PLD5: variants seen among roughly 807,000 people sequenced by gnomAD.
PLD5 encodes inactive phospholipase D5.
Under a neutral mutation model 61.1 loss-of-function variants are expected in PLD5, and 36 were observed. The observed-to-expected ratio is 0.59, with a 90% CI of 0.45 to 0.78. PLD5 has a LOEUF of 0.78. PLD5 is among the 30% of genes least tolerant of loss of function. The probability of loss-of-function intolerance (pLI) is 0.00; values close to 1 mark genes in which losing one functional copy is unlikely to be tolerated. For synonymous variants in PLD5, 243 were observed against 242.8 expected, an observed-to-expected ratio of 1.00 and a Z score of -0.01; for missense variants, 515 against 644.4, an observed-to-expected ratio of 0.80 and a Z score of 2.17.
At chr1:242,522,868 A>T (rs1297632846) in intron 1 of PLD5, among the ~76,000 whole-genome samples, 1 of 152,200 alleles carries the variant, frequency 6.6e-6, no homozygotes, top group East Asian at 1.9e-4. Flanking sequence ...CACATAAAAT[A>T]GTGCTGTTAT....
intron 4 of PLD5, among the ~76,000 whole-genome samples, chr1:242,248,011 G>A (rs1465020269): frequency 1.3e-5 from 2 of 152,118 alleles, no homozygotes; most frequent in African/African-American, 4.8e-5. Context: ...ACCGTGACTC[G>A]TAGCACCTCT....
At chr1:242,395,903 C>G (rs1321497191) in intron 1 of PLD5, among the ~76,000 whole-genome samples, 1 of 152,094 alleles carries the variant, frequency 6.6e-6, no homozygotes, top group Non-Finnish European at 1.5e-5. Context: ...CAAAAATGAG[C>G]CAAGCATGAT....
intron 1 of PLD5, 28 bp downstream of exon 1, chr1:242,524,060 G>C: frequency 1.3e-6 from 2 of 1,525,074 alleles, no homozygotes; most frequent in South Asian, 1.2e-5. Flanking sequence ...GTGCCTGGCC[G>C]AGGCCCCCGG....
In PLD5 at chr1:242,492,309, C is replaced by T. The variant is rs145273631; in HGVS notation, c.189+31779G>A. ...CGTGGATCACCTGAGGTCAGGAGTT[C>T]GAGACCTGCCTGGCCAACATAGTGA... On this transcript the variant is annotated intron_variant, in intron 1 of 9. Transcript: ENST00000536534. Among the ~76,000 whole-genome samples, 736 of 151,868 alleles carry T rather than the reference C, an allele frequency of 4.8e-3. 4 individuals are homozygous for T. Among genetic ancestry groups the T allele is most frequent in the African/African-American group, 0.017 (705 of 41,418 alleles).
At chr1:242,326,618 T>C (rs1230111894) in intron 2 of PLD5, among the ~76,000 whole-genome samples, 5 of 152,170 alleles carry the variant, frequency 3.3e-5, no homozygotes, top group Non-Finnish European at 7.3e-5. Context: ...CTTGAAACTT[T>C]GCACTGCTGA....
intron 4 of PLD5, among the ~76,000 whole-genome samples, chr1:242,251,553 C>T (rs1672701158): frequency 6.6e-6 from 1 of 152,056 alleles, no homozygotes; most frequent in Non-Finnish European, 1.5e-5. Context: ...GGAGTCAGGG[C>T]AGAGCCGGGC....
chr1:242,394,969 T>TTATATATGAATATATATG (rs1663417877), intron 1 of PLD5, among the ~76,000 whole-genome samples: 1 of 60,446 alleles, frequency 1.7e-5, no homozygotes, highest in Non-Finnish European at 3.1e-5. Context: ...ATATATATGA[T>TTATATATGAATATATATG]TATATATGAA....
chr1:242,142,122 C>G (rs1209237287), intron 5 of PLD5, among the ~76,000 whole-genome samples: 1 of 152,180 alleles, frequency 6.6e-6, no homozygotes, highest in Non-Finnish European at 1.5e-5. Flanking sequence ...GAGAGAGGAA[C>G]AGCAGAAAGG....
At chr1:242,296,429 T>C (rs1407814134) in intron 2 of PLD5, among the ~76,000 whole-genome samples, 1 of 152,226 alleles carries the variant, frequency 6.6e-6, no homozygotes, top group Non-Finnish European at 1.5e-5. Flanking sequence ...GCTTTTGAGA[T>C]CATATGGCTA....
At chr1:242,434,329 A>G (rs966886905) in intron 1 of PLD5, among the ~76,000 whole-genome samples, 39 of 152,240 alleles carry the variant, frequency 2.6e-4, no homozygotes, top group African/African-American at 9.2e-4. Flanking sequence ...TTCTAGCCTG[A>G]GCTACTGAAA....
intron 5 of PLD5, among the ~76,000 whole-genome samples, chr1:242,136,498 T>C (rs775745252): frequency 2.6e-5 from 4 of 152,180 alleles, no homozygotes; most frequent in Non-Finnish European, 5.9e-5. Flanking sequence ...TTTGAGAAAT[T>C]GATATTCTAA....
intron 5 of PLD5, among the ~76,000 whole-genome samples, chr1:242,125,067 G>A (rs2148735852): frequency 6.6e-6 from 1 of 152,214 alleles, no homozygotes; most frequent in Non-Finnish European, 1.5e-5. Flanking sequence ...CATGGATTCT[G>A]GAGTCAGACT....
intron 8 of PLD5, among the ~76,000 whole-genome samples, chr1:242,105,160 C>T (rs1660947183): frequency 6.6e-6 from 1 of 151,336 alleles, no homozygotes; most frequent in African/African-American, 2.4e-5. Flanking sequence ...ACCACTGAAC[C>T]TTTGGCTTAT....
At chr1:242,131,558 C>A (rs1663252916) in intron 5 of PLD5, among the ~76,000 whole-genome samples, 1 of 152,258 alleles carries the variant, frequency 6.6e-6, no homozygotes, top group Admixed American at 6.5e-5. Flanking sequence ...CACGACAACC[C>A]ATTTCACAGT....
At chr1:242,484,180 G>A (rs1356270443) in intron 1 of PLD5, among the ~76,000 whole-genome samples, 2 of 152,122 alleles carry the variant, frequency 1.3e-5, no homozygotes, top group Non-Finnish European at 2.9e-5. Context: ...ACATTCAAAA[G>A]CTAGCAGAAG....
chr1:242,239,725 C>T (rs6659878), intron 4 of PLD5, among the ~76,000 whole-genome samples: 20,027 of 152,220 alleles, frequency 0.13, 1,397 homozygotes, highest in South Asian at 0.16. Context: ...CAACTTGTCC[C>T]CTCGGGCAAG....
intron 9 of PLD5, among the ~76,000 whole-genome samples, chr1:242,098,261 T>A (rs1660403086): frequency 6.6e-6 from 1 of 152,208 alleles, no homozygotes; most frequent in African/African-American, 2.4e-5. Context: ...GTTCGTTTCT[T>A]TTTATTCTTT....
intron 1 of PLD5, among the ~76,000 whole-genome samples, chr1:242,511,201 C>A (rs1668896512): frequency 6.6e-6 from 1 of 152,122 alleles, no homozygotes; most frequent in African/African-American, 2.4e-5. Context: ...TACCATCGAA[C>A]TGGATTTTAC....
chr1:242,093,805 G>A (rs766992467), intron 9 of PLD5, among the ~76,000 whole-genome samples: 12 of 151,980 alleles, frequency 7.9e-5, no homozygotes, highest in East Asian at 5.8e-4. Flanking sequence ...AATATGCTTC[G>A]GGGGCAGCCT....
Sources: allele counts gnomAD v4.1 joint callset (sites outside exome capture counted in the v4.1 genomes callset), GRCh38; gene constraint gnomAD v4.1.1; transcripts MANE v1.5; gene names NCBI Gene and HGNC (gene_info 2026-07-23, HGNC 2026-07-21).